The following PEX3 variants were observed in gnomAD, a reference collection of about 807,000 sequenced individuals.
The protein encoded by PEX3 is peroxin-3.
Under a neutral mutation model 55.8 loss-of-function variants are expected in PEX3, and 30 were observed. The observed-to-expected ratio is 0.54, with a 90% confidence interval of 0.40 to 0.73. The LOEUF (loss-of-function observed/expected upper bound fraction) is 0.73, where lower values mean the gene tolerates loss of function less well. PEX3 is among the 30% of genes least tolerant of loss of function. The pLI, the probability that PEX3 is intolerant of heterozygous loss-of-function variation, is 0.00. For missense variants in PEX3, 351 were observed against 432.8 expected (o/e 0.81, Z 1.68); for synonymous variants, 135 against 148.4 (o/e 0.91, Z 0.66).
rs182934011 is a variant in PEX3 at position 143,487,952 on chromosome 6, G to A, written c.1039-1191G>A. ...TATTTTATCTTCTCAATAATCAAGA[G>A]CGTGTTTGAGTTTTCTTTACATTTT... On this transcript the variant is annotated intron_variant, in intron 11 of 11. Transcript: ENST00000367591. This position sits in a 1 kb window ranked among gnomAD's most constrained non-coding sequence, Gnocchi z 5.3. Among the ~76,000 whole-genome samples the A allele has an allele frequency of 2.8e-3, 425 of 152,070 alleles. 2 individuals are homozygous for A. The highest frequency in any genetic ancestry group is 4.9e-3 in the Non-Finnish European group (331 of 67,970).
In PEX3 at chr6:143,482,144, T is replaced by C. The variant is rs145630296; in HGVS notation, c.941+2946T>C. On this transcript the variant is annotated intron_variant, in intron 10 of 11. Coordinates refer to ENST00000367591, the MANE Select transcript of PEX3 (RefSeq NM_003630.3). This position sits in a 1 kb window ranked among gnomAD's most constrained non-coding sequence, Gnocchi z 5.5. ...AGTAAGGCTAGGAGAAGACCAATTT[T>C]GAGATTCAATTAAGGAAAGCTGTTG... is the stretch of plus-strand genomic sequence containing the variant. Among the ~76,000 whole-genome samples the C allele has an allele frequency of 0.012, 1,847 of 152,274 alleles. 32 individuals carry two copies. The highest frequency in any genetic ancestry group is 0.042 in the African/African-American group (1,727 of 41,564).
Position 143,474,782 on chromosome 6 carries a change from A to G in PEX3, c.748-4A>G, listed in dbSNP as rs1024883914. ...ACCTTAAGTGTGACATTTTAATTCTATAGGCCTGTGGACTTTCTCCTCGAG... is the reference window on the plus strand; with the variant it reads ...ACCTTAAGTGTGACATTTTAATTCTGTAGGCCTGTGGACTTTCTCCTCGAG... On this transcript the variant is annotated splice_region_variant and splice_polypyrimidine_tract_variant and intron_variant, in intron 8 of 11. Transcript: ENST00000367591. The G allele has an allele frequency of 1.8e-5, 27 of 1,503,086 alleles. No individual in the cohort carries two copies. The highest frequency in any genetic ancestry group is 3.3e-5 in the Admixed American group (2 of 59,872). 93.1% of individuals were successfully genotyped at this position (1,503,086 alleles called of 1,614,324 possible).
At chr6:143,481,014 C>A (rs1780231598) in intron 10 of PEX3, among the ~76,000 whole-genome samples, 2 of 151,272 alleles carry the variant, frequency 1.3e-5, no homozygotes, top group Non-Finnish European at 2.9e-5. Flanking sequence ...CCCCCTGCCC[C>A]CCCAAAAAAA....
At chr6:143,481,938 A>T (rs1404554952) in intron 10 of PEX3, among the ~76,000 whole-genome samples, 2 of 152,086 alleles carry the variant, frequency 1.3e-5, no homozygotes, top group Non-Finnish European at 2.9e-5. Flanking sequence ...ACTGTACTCC[A>T]GTCTGAGTGA....
At chr6:143,461,337 AG>A (rs1053064093) in intron 2 of PEX3, among the ~76,000 whole-genome samples, 6 of 152,204 alleles carry the variant, frequency 3.9e-5, no homozygotes, top group African/African-American at 1.4e-4. Flanking sequence ...ATGCTCCTCC[AG>A]CAAAAGATAG....
At position 143,450,852 on chromosome 6, in the gene PEX3, C is replaced by T. The variant is rs41290545; in HGVS notation, c.-191C>T. 5.2e-6 allele frequency: 4 copies of T among 763,048 alleles called. No individual in the cohort carries two copies. The highest frequency in any genetic ancestry group is 9.0e-6 in the Non-Finnish European group (4 of 442,240). The allele number at this position is 763,048 out of a possible 1,614,324, so 47.3% of individuals were successfully genotyped here. On this transcript the variant is annotated 5_prime_UTR_variant, in exon 1 of 12. Transcript: ENST00000367591. The stretch of plus-strand genomic sequence containing the variant: ...GCGGCAGCGGCAGAAAGCGTAGCTG[C>T]TTTGCTGTAGTCCACGCCCCCTTGC...
intron 9 of PEX3, among the ~76,000 whole-genome samples, chr6:143,478,809 G>T (rs1780188469): frequency 6.6e-6 from 1 of 152,032 alleles, no homozygotes; most frequent in African/African-American, 2.4e-5. Flanking sequence ...AAAATTAGTA[G>T]TACTAGTACT....
chr6:143,479,690 T>G lies in PEX3; in HGVS notation c.941+492T>G, dbSNP rs938429702. ...ATTCATTCCAGTCCTTATTACAGAA[T>G]TAGGAACATGTATTAGTGCAATTGT... On this transcript the variant is annotated intron_variant, in intron 10 of 11. Transcript: ENST00000367591. This position sits in a 1 kb window ranked among gnomAD's most constrained non-coding sequence, Gnocchi z 4.6. Among the ~76,000 whole-genome samples, 2 of 152,072 alleles carry G rather than the reference T, an allele frequency of 1.3e-5. No homozygotes were observed.
At chr6:143,455,217 G>A (rs1779828035) in intron 1 of PEX3, among the ~76,000 whole-genome samples, 1 of 134,354 alleles carries the variant, frequency 7.4e-6, no homozygotes, top group Non-Finnish European at 1.5e-5. Context: ...TTTTGAGACG[G>A]AGTCTTGCTC....
At position 143,451,099 on chromosome 6, in the gene PEX3, G is replaced by A; in HGVS notation, c.57G>A (p.Leu19=). The change falls in exon 1 of 12, where the codon CTG becomes CTA. Residue 19 remains leucine (L), a synonymous_variant. Transcript: ENST00000367591. The surrounding 1 kb of genome is among the most constrained non-coding windows in gnomAD (Gnocchi z 4.1). ...GCCACAAAAAGAAATGCATCTTCCT[G>A]GGCACGGTCCTTGGAGGTGGGTGAC... ...LKRHKKKCIF[L]GTVLGGVYIL... 5 of 1,612,928 alleles carry A rather than the reference G, an allele frequency of 3.1e-6. No homozygotes were observed. Among genetic ancestry groups the A allele is most frequent in the Non-Finnish European group, 4.2e-6 (5 of 1,178,868 alleles).
Position 143,451,153 on chromosome 6 carries a change from A to C in PEX3, c.73+38A>C. On this transcript the variant is annotated intron_variant, in intron 1 of 11. Transcript: ENST00000367591. This position sits in a 1 kb window ranked among gnomAD's most constrained non-coding sequence, Gnocchi z 4.1. ...GTGCTTGAAAGGGGGCATTGGGAGA[A>C]GGGGGTGGGAGAGGTGACTTCTTCT... 110 of 1,316,418 alleles carry C rather than the reference A, an allele frequency of 8.4e-5. No homozygotes were observed. Among genetic ancestry groups the C allele is most frequent in the Non-Finnish European group, 1.1e-4 (99 of 907,952 alleles). 81.5% of individuals were successfully genotyped at this position (1,316,418 alleles called of 1,614,324 possible).
intron 9 of PEX3, among the ~76,000 whole-genome samples, chr6:143,477,625 A>C (rs1780172785): frequency 6.6e-6 from 1 of 152,068 alleles, no homozygotes; most frequent in Non-Finnish European, 1.5e-5. Context: ...ATAGGAAGCA[A>C]GCTCACCTAT....
chr6:143,471,102 T>G lies in PEX3; in HGVS notation c.456+17T>G. Reference sequence around the variant, plus strand: ...AATGGCACTGTAAGTTTAATAGACTTAAATAGACATTGTTCTTTCCCTCAG... The same window carrying G: ...AATGGCACTGTAAGTTTAATAGACTGAAATAGACATTGTTCTTTCCCTCAG... On this transcript the variant is annotated intron_variant, in intron 5 of 11. Coordinates refer to ENST00000367591, the MANE Select transcript of PEX3 (RefSeq NM_003630.3). This position sits in a 1 kb window ranked among gnomAD's most constrained non-coding sequence, Gnocchi z 5.4. The G allele has an allele frequency of 1.2e-6, 2 of 1,609,228 alleles. No homozygotes were observed. The highest frequency in any genetic ancestry group is 1.1e-5 in the South Asian group (1 of 90,960).
intron 1 of PEX3, among the ~76,000 whole-genome samples, chr6:143,452,727 G>T (rs1562649172): frequency 4.6e-5 from 7 of 152,244 alleles, no homozygotes; most frequent in Middle Eastern, 3.4e-3. Flanking sequence ...GATGACCGTG[G>T]TTGGCATTTG....
chr6:143,468,381 T>C (rs995994406), intron 4 of PEX3, among the ~76,000 whole-genome samples: 12 of 152,218 alleles, frequency 7.9e-5, no homozygotes, highest in African/African-American at 2.9e-4. Flanking sequence ...ATGATGATGG[T>C]AGGTAAAATT....
rs531934591 is a variant in PEX3 at position 143,472,373 on chromosome 6, T to C, written c.747+45T>C. On this transcript the variant is annotated intron_variant, in intron 8 of 11. Coordinates refer to ENST00000367591, the MANE Select transcript of PEX3 (RefSeq NM_003630.3). ...TTAACCAAACCAGTTACTCTATTCT[T>C]TTAAAATTTTACTCTCTTGAAATTT... The C allele has an allele frequency of 1.1e-4, 157 of 1,386,476 alleles. 2 individuals carry two copies. In the South Asian group the frequency reaches 1.7e-3, roughly 15 times the overall value. The allele number at this position is 1,386,476 out of a possible 1,614,324, so 85.9% of individuals were successfully genotyped here.
intron 2 of PEX3, among the ~76,000 whole-genome samples, chr6:143,460,665 G>T (rs569458414): frequency 1.1e-4 from 17 of 152,222 alleles, no homozygotes; most frequent in Admixed American, 9.8e-4. Context: ...AGGAATTTGA[G>T]ACCAGCCTGA....
At chr6:143,481,060 G>T (rs1392729279) in intron 10 of PEX3, among the ~76,000 whole-genome samples, 2 of 129,584 alleles carry the variant, frequency 1.5e-5, no homozygotes, top group African/African-American at 5.8e-5. Flanking sequence ...AAGACACAAA[G>T]TATATTATTT....
rs574115552 is a variant in PEX3 at position 143,479,317 on chromosome 6, A to G, written c.941+119A>G. 1.1e-3 allele frequency: 826 copies of G among 759,650 alleles called. 4 individuals carry two copies. The highest frequency in any genetic ancestry group is 1.6e-3 in the Non-Finnish European group (684 of 434,962). The allele number at this position is 759,650 out of a possible 1,614,324, so 47.1% of individuals were successfully genotyped here. ...TTAAATTTGAGTGCCTCATTTTTTA[A>G]CAAATTAAACTCTGTTAAACCAACA... On this transcript the variant is annotated intron_variant, in intron 10 of 11. Transcript: ENST00000367591. This position sits in a 1 kb window ranked among gnomAD's most constrained non-coding sequence, Gnocchi z 4.6.
Sources: gnomAD v4.1 joint callset for allele counts (sites outside exome capture counted in the v4.1 genomes callset) on GRCh38, gnomAD v4.1.1 for gene constraint, Gnocchi (gnomAD v3.1) non-coding constraint, MANE v1.5 for transcripts, NCBI Gene and HGNC (gene_info 2026-07-23, HGNC 2026-07-21) for gene names.